PIP5K1B: variants seen among roughly 807,000 people sequenced by gnomAD.
PIP5K1B encodes phosphatidylinositol-4-phosphate 5-kinase type 1 beta.
A neutral mutation model predicts 67.0 loss-of-function variants in PIP5K1B; 42 were observed. The observed-to-expected ratio is 0.63, with a 90% CI of 0.49 to 0.81. The LOEUF is 0.81. PIP5K1B is among the 30% of genes least tolerant of loss of function. The pLI is 0.00. For synonymous variants in PIP5K1B, 214 were observed against 231.4 expected (o/e 0.92, Z 0.68); for missense variants, 459 against 646.3 (o/e 0.71, Z 3.14).
intron 2 of PIP5K1B, among the ~76,000 whole-genome samples, chr9:68,813,687 A>G (rs566616426): frequency 6.6e-6 from 1 of 152,316 alleles, no homozygotes; most frequent in East Asian, 1.9e-4. Context: ...TGGTGTTCTT[A>G]TAAGAAGAGG....
rs1832347444 is a variant in PIP5K1B, at chr9:68,797,301, T to G, written c.-85-21160T>G. On this transcript the variant is annotated intron_variant, in intron 2 of 15. Coordinates refer to ENST00000265382, the MANE Select transcript of PIP5K1B (RefSeq NM_003558.4). Reference sequence around the variant, plus strand: ...CAAAGGTTTTTACAGAGGAAGCAACTCTTTAGCAGGTTAATAAGTGGATAG... The same window carrying G: ...CAAAGGTTTTTACAGAGGAAGCAACGCTTTAGCAGGTTAATAAGTGGATAG... Among the ~76,000 whole-genome samples the G allele has an allele frequency of 2.0e-5, 3 of 152,340 alleles. No homozygotes were observed. The South Asian group carries it at 6.2e-4, about 32-fold the overall frequency.
At chr9:68,793,129 A>ATGTGTATACACATATAGTGTATGTGT (rs6151015) in intron 2 of PIP5K1B, among the ~76,000 whole-genome samples, 10 of 152,098 alleles carry the variant, frequency 6.6e-5, no homozygotes, top group South Asian at 4.1e-4. Context: ...CATATAGTGT[A>ATGTGTATACACATATAGTGTATGTGT]AGGAACAGGA....
intron 5 of PIP5K1B, among the ~76,000 whole-genome samples, chr9:68,865,352 G>T (rs886297496): frequency 1.3e-5 from 2 of 151,960 alleles, no homozygotes; most frequent in African/African-American, 2.4e-5. Flanking sequence ...AAGCCAGGGG[G>T]TCATGAGTTT....
At chr9:68,839,487 A>G (rs1183221240) in intron 4 of PIP5K1B, among the ~76,000 whole-genome samples, 3 of 151,946 alleles carry the variant, frequency 2.0e-5, no homozygotes, top group African/African-American at 7.3e-5. Flanking sequence ...TATCTTGCAT[A>G]TTTTCCCACC....
At chr9:68,831,957 G>A (rs948392348) in intron 4 of PIP5K1B, among the ~76,000 whole-genome samples, 47 of 152,202 alleles carry the variant, frequency 3.1e-4, no homozygotes, top group African/African-American at 1.0e-3. Context: ...GATTACAGGC[G>A]TGAGCCACGC....
chr9:68,907,408 T>C (rs1825668224), intron 8 of PIP5K1B, among the ~76,000 whole-genome samples: 1 of 152,120 alleles, frequency 6.6e-6, no homozygotes, highest in Admixed American at 6.5e-5. Context: ...TTAGTTTTGA[T>C]CATGTGCATA....
At chr9:68,787,868 G>A (rs1831719560) in intron 2 of PIP5K1B, among the ~76,000 whole-genome samples, 1 of 151,980 alleles carries the variant, frequency 6.6e-6, no homozygotes, top group Non-Finnish European at 1.5e-5. Flanking sequence ...CCTGACCTCT[G>A]GTGATCCACC....
chr9:68,727,531 G>T (rs183471131), intron 1 of PIP5K1B: 1 of 152,212 alleles, frequency 6.6e-6, no homozygotes, highest in East Asian at 1.9e-4. Context: ...GAAAGGAGGG[G>T]TCCTGAAATG....
intron 4 of PIP5K1B, among the ~76,000 whole-genome samples, chr9:68,836,678 T>G (rs576323698): frequency 2.0e-5 from 3 of 149,064 alleles, no homozygotes; most frequent in African/African-American, 4.9e-5. Flanking sequence ...ATTTTTTTTG[T>G]TTTTTTTTAT....
At chr9:68,727,336 C>A (rs1017212702) in intron 1 of PIP5K1B, among the ~76,000 whole-genome samples, 1 of 152,118 alleles carries the variant, frequency 6.6e-6, no homozygotes, top group African/African-American at 2.4e-5. Context: ...CTCACGAAGT[C>A]TTCTATCTGG....
chr9:68,780,853 C>T, intron 2 of PIP5K1B: 1 of 1,614,238 alleles, frequency 6.2e-7, no homozygotes, highest in South Asian at 1.1e-5. Context: ...TCTGACGTTG[C>T]ACAGCTGTCA....
intron 1 of PIP5K1B, among the ~76,000 whole-genome samples, chr9:68,729,755 T>C (rs958011250): frequency 2.6e-5 from 4 of 152,112 alleles, no homozygotes; most frequent in Non-Finnish European, 5.9e-5. Context: ...AGAAATAAAA[T>C]GATAAGTTAC....
intron 4 of PIP5K1B, among the ~76,000 whole-genome samples, chr9:68,823,300 T>C (rs559533724): frequency 2.8e-4 from 42 of 152,234 alleles, no homozygotes; most frequent in African/African-American, 9.6e-4. Flanking sequence ...TATAGAATAT[T>C]GAGTGAAGAG....
At chr9:68,963,188 A>T (rs1828837386) in intron 14 of PIP5K1B, 2 of 456,212 alleles carry the variant, frequency 4.4e-6, no homozygotes, top group African/African-American at 2.0e-5. Flanking sequence ...AACAGGTTCA[A>T]GATGGCAACA....
chr9:68,856,069 TAGC>T (rs1420025406), intron 4 of PIP5K1B, among the ~76,000 whole-genome samples: 1 of 152,092 alleles, frequency 6.6e-6, no homozygotes, highest in South Asian at 2.1e-4. Flanking sequence ...CTACGCTAAG[TAGC>T]AGCCAGAGTG....
chr9:68,850,942 A>G (rs1587554141), intron 4 of PIP5K1B, among the ~76,000 whole-genome samples: 2 of 152,250 alleles, frequency 1.3e-5, no homozygotes, highest in Admixed American at 1.3e-4. Context: ...ATAACAGCAA[A>G]TATATACAGC....
At chr9:68,769,733 T>G (rs1312162381) in intron 2 of PIP5K1B, among the ~76,000 whole-genome samples, 1 of 152,226 alleles carries the variant, frequency 6.6e-6, no homozygotes, top group African/African-American at 2.4e-5. Flanking sequence ...CCTCTAGTTA[T>G]TTCTGGGGAA....
chr9:68,723,238 A>G (rs1258128227), intron 1 of PIP5K1B, among the ~76,000 whole-genome samples: 2 of 151,992 alleles, frequency 1.3e-5, no homozygotes, highest in Admixed American at 6.6e-5. Flanking sequence ...GCATTCATCC[A>G]CTGATGGACA....
chr9:68,910,223 G>T (rs998539567), intron 8 of PIP5K1B, among the ~76,000 whole-genome samples: 2 of 152,328 alleles, frequency 1.3e-5, no homozygotes, highest in South Asian at 2.1e-4. Flanking sequence ...CCATTTAGCT[G>T]TATGCCTACT....
Sources: gnomAD v4.1 joint callset for allele counts (sites outside exome capture counted in the v4.1 genomes callset) on GRCh38, gnomAD v4.1.1 for gene constraint, MANE v1.5 for transcripts, NCBI Gene and HGNC (gene_info 2026-07-23, HGNC 2026-07-21) for gene names.